Variants in CIMIP6 observed in about 807,000 individuals in gnomAD.
CIMIP6 encodes the protein ciliary microtubule inner protein 6.
At chr2:54,354,034 A>G in the CIMIP6 span, among the ~76,000 whole-genome samples, 1 of 152,148 alleles carries the variant, frequency 6.6e-6, no homozygotes, top group Non-Finnish European at 1.5e-5. Context: ...TGCGCGCACT[A>G]TTAAGTAGGG....
chr2:54,366,105 A>G, the CIMIP6 span, among the ~76,000 whole-genome samples: 1 of 152,206 alleles, frequency 6.6e-6, no homozygotes, highest in African/African-American at 2.4e-5. Context: ...TTAGCTGGAA[A>G]TTTGGCTGAC....
chr2:54,331,008 G>A, the CIMIP6 span: 1 of 1,613,754 alleles, frequency 6.2e-7, no homozygotes, highest in Non-Finnish European at 8.5e-7. Flanking sequence ...ATCAGTAAGT[G>A]CTGGGGTTTG....
At chr2:54,366,152 C>T in the CIMIP6 span, among the ~76,000 whole-genome samples, 1 of 152,180 alleles carries the variant, frequency 6.6e-6, no homozygotes, top group African/African-American at 2.4e-5. Context: ...TCCCTTGTAG[C>T]TGGGTTGACT....
At chr2:54,341,752 G>A in the CIMIP6 span, among the ~76,000 whole-genome samples, 182 of 152,254 alleles carry the variant, frequency 1.2e-3, 1 homozygote, top group African/African-American at 4.3e-3. Flanking sequence ...GGATGTGCCT[G>A]CCTCATAGAA....
chr2:54,376,901 G>T, the CIMIP6 span, among the ~76,000 whole-genome samples: 1 of 152,190 alleles, frequency 6.6e-6, no homozygotes, highest in Non-Finnish European at 1.5e-5. Context: ...TTCCTGGAGG[G>T]CAAAGGCACT....
chr2:54,334,850 T>C, the CIMIP6 span: 137 of 1,549,546 alleles, frequency 8.8e-5, no homozygotes, highest in Non-Finnish European at 1.1e-4. Context: ...CTATAACATA[T>C]GTAAGTGAAA....
At chr2:54,380,186 C>T in the CIMIP6 span, among the ~76,000 whole-genome samples, 3,865 of 152,120 alleles carry the variant, frequency 0.025, 143 homozygotes, top group African/African-American at 0.083. Flanking sequence ...TAAATGTGTT[C>T]TGTGCCTCCT....
At chr2:54,357,190 G>A in the CIMIP6 span, among the ~76,000 whole-genome samples, 1 of 152,172 alleles carries the variant, frequency 6.6e-6, no homozygotes, top group East Asian at 1.9e-4. Flanking sequence ...CTGCTAACTG[G>A]GAAAAGATTG....
the CIMIP6 span, chr2:54,358,936 A>G: frequency 7.3e-5 from 93 of 1,279,378 alleles, no homozygotes; most frequent in Middle Eastern, 9.1e-4. Context: ...TTTTGTCCTG[A>G]CTTCACAAAA....
chr2:54,336,095 C>A, the CIMIP6 span, among the ~76,000 whole-genome samples: 2 of 152,146 alleles, frequency 1.3e-5, no homozygotes, highest in Non-Finnish European at 2.9e-5. Context: ...TCTTTAGGGA[C>A]AGAGAGAGGG....
At chr2:54,375,475 G>T in the CIMIP6 span, among the ~76,000 whole-genome samples, 6 of 152,296 alleles carry the variant, frequency 3.9e-5, no homozygotes, top group African/African-American at 1.4e-4. Flanking sequence ...TACAATGTTG[G>T]TAAGGGTAAG....
the CIMIP6 span, among the ~76,000 whole-genome samples, chr2:54,379,810 C>G: frequency 6.6e-6 from 1 of 151,044 alleles, no homozygotes; most frequent in African/African-American, 2.4e-5. Flanking sequence ...ACCCCATCTC[C>G]ACTTAAAAAA....
chr2:54,375,366 A>G, the CIMIP6 span, among the ~76,000 whole-genome samples: 1 of 152,368 alleles, frequency 6.6e-6, no homozygotes, highest in East Asian at 1.9e-4. Flanking sequence ...GGCAATTCAC[A>G]GAAGAAATAC....
the CIMIP6 span, among the ~76,000 whole-genome samples, chr2:54,334,246 T>G: frequency 6.6e-6 from 1 of 152,180 alleles, no homozygotes. Flanking sequence ...ATTTTCGTAT[T>G]TGTAACAGAG....
chr2:54,371,300 GGGT>G, the CIMIP6 span, among the ~76,000 whole-genome samples: 1 of 152,222 alleles, frequency 6.6e-6, no homozygotes, highest in East Asian at 1.9e-4. Flanking sequence ...GGAAGCAAGA[GGGT>G]GTACCCTGCA....
the CIMIP6 span, among the ~76,000 whole-genome samples, chr2:54,344,182 G>T: frequency 6.6e-6 from 1 of 152,160 alleles, no homozygotes; most frequent in Non-Finnish European, 1.5e-5. Context: ...TGTAACTATT[G>T]TCACTTCAAG....
At chr2:54,375,280 G>T in the CIMIP6 span, among the ~76,000 whole-genome samples, 34,988 of 151,962 alleles carry the variant, frequency 0.23, 4,276 homozygotes, top group East Asian at 0.49. Context: ...GATATTAAAA[G>T]TTTTATATAA....
chr2:54,376,215 T>C, the CIMIP6 span, among the ~76,000 whole-genome samples: 1 of 152,014 alleles, frequency 6.6e-6, no homozygotes, highest in Non-Finnish European at 1.5e-5. Context: ...TCTACCTTTT[T>C]TTTTTTTGGG....
the CIMIP6 span, among the ~76,000 whole-genome samples, chr2:54,351,518 G>A: frequency 7.9e-5 from 12 of 151,880 alleles, no homozygotes; most frequent in African/African-American, 2.7e-4. Context: ...GCAAACTAAC[G>A]CAGGAACAAA....
Sources: allele counts gnomAD v4.1 joint callset (sites outside exome capture counted in the v4.1 genomes callset), GRCh38; gene constraint gnomAD v4.1.1; transcripts MANE v1.5; gene names NCBI Gene and HGNC (gene_info 2026-07-23, HGNC 2026-07-21).